Variants in DCUN1D2 observed in about 807,000 individuals in gnomAD.
DCUN1D2 encodes DCN1-like protein 2.
DCUN1D2 carries 29 observed loss-of-function variants against 30.9 expected under a neutral mutation model. The ratio of observed to expected loss-of-function variants is 0.94; its 90% CI spans 0.70 to 1.28. DCUN1D2 has a LOEUF of 1.28. DCUN1D2 is among the 50% of genes most tolerant of loss of function. The pLI, the probability that DCUN1D2 is intolerant of heterozygous loss-of-function variation, is 0.00. For synonymous variants in DCUN1D2, 121 were observed against 115.3 expected (o/e 1.05, Z -0.32); for missense variants, 325 against 316.9 (o/e 1.03, Z -0.19).
intron 4 of DCUN1D2, among the ~76,000 whole-genome samples, chr13:113,470,186 G>A (rs908150465): frequency 3.9e-5 from 6 of 152,196 alleles, no homozygotes; most frequent in Non-Finnish European, 7.3e-5. Flanking sequence ...CCTCACCACC[G>A]TGTTACGGTT....
At chr13:113,470,528 A>G (rs1441384578) in intron 4 of DCUN1D2, among the ~76,000 whole-genome samples, 3 of 152,168 alleles carry the variant, frequency 2.0e-5, no homozygotes, top group African/African-American at 7.2e-5. Flanking sequence ...AAGACTCTAC[A>G]GAGGACCCAA....
At chr13:113,464,784 A>G (rs555418385) in intron 4 of DCUN1D2, among the ~76,000 whole-genome samples, 1 of 152,250 alleles carries the variant, frequency 6.6e-6, no homozygotes, top group African/African-American at 2.4e-5. Flanking sequence ...CCAATGGATC[A>G]TGAGCTACCA....
chr13:113,490,656 G>T lies in DCUN1D2; in HGVS notation c.3+11C>A. ...GACCCCGACGGGCAGAGGCGACGCC[G>T]GGCCACCTACCATCTCCCCCGCGCC... On this transcript the variant is annotated intron_variant, in intron 1 of 6. Transcript: ENST00000478244. This position sits in a 1 kb window ranked among gnomAD's most constrained non-coding sequence, Gnocchi z 5.2. 8.0e-7 allele frequency: 1 copy of T among 1,246,866 alleles called. No homozygotes were observed. Among genetic ancestry groups the T allele is most frequent in the Non-Finnish European group, 1.0e-6 (1 of 995,218 alleles). The allele number at this position is 1,246,866 out of a possible 1,614,324, so 77.2% of individuals were successfully genotyped here. A position where few individuals can be genotyped will look rare whatever the true frequency, so the allele number is the denominator to read the frequency against.
intron 4 of DCUN1D2, among the ~76,000 whole-genome samples, chr13:113,461,564 G>C (rs2044318624): frequency 6.6e-6 from 1 of 152,212 alleles, no homozygotes. Context: ...TCTCCAAATA[G>C]ACCTGCCTTG....
chr13:113,477,702 GT>G (rs768564510), intron 3 of DCUN1D2, among the ~76,000 whole-genome samples: 4,245 of 136,944 alleles, frequency 0.031, 72 homozygotes, highest in South Asian at 0.11. Context: ...TTTTCTATGA[GT>G]TTTTTTTTTT....
In DCUN1D2 at chr13:113,457,977, T is replaced by G; in HGVS notation, c.*52A>C. On this transcript the variant is annotated 3_prime_UTR_variant, in exon 7 of 7. Transcript: ENST00000478244. ...ATGCACCCAGGAACTGACTGCAATC[T>G]CCTTGCAGGATACAAATCATTTCAT... The G allele has an allele frequency of 2.0e-6, 3 of 1,526,436 alleles. No homozygotes were observed. Among genetic ancestry groups the G allele is most frequent in the Non-Finnish European group, 2.7e-6 (3 of 1,100,442 alleles). The allele number at this position is 1,526,436 out of a possible 1,614,324, so 94.6% of individuals were successfully genotyped here.
Position 113,490,626 on chromosome 13 carries a change from A to G in DCUN1D2, c.3+41T>C. On this transcript the variant is annotated intron_variant, in intron 1 of 6. Transcript: ENST00000478244. This position sits in a 1 kb window ranked among gnomAD's most constrained non-coding sequence, Gnocchi z 5.2. ...GCGCCGACCTTGGGGCCCGACCCCG[A>G]CCCCGACCCCGACGGGCAGAGGCGA... 8.2e-7 allele frequency: 1 copy of G among 1,220,216 alleles called. No individual in the cohort carries two copies. Among genetic ancestry groups the G allele is most frequent in the Non-Finnish European group, 1.0e-6 (1 of 979,932 alleles). The allele number at this position is 1,220,216 out of a possible 1,614,324, so 75.6% of individuals were successfully genotyped here.
At chr13:113,471,590 A>G (rs2044516837) in intron 4 of DCUN1D2, among the ~76,000 whole-genome samples, 1 of 152,240 alleles carries the variant, frequency 6.6e-6, no homozygotes, top group Non-Finnish European at 1.5e-5. Context: ...CAACACCCAG[A>G]CACATTTTAG....
chr13:113,482,715 C>A (rs575993621), intron 2 of DCUN1D2, among the ~76,000 whole-genome samples: 1 of 152,110 alleles, frequency 6.6e-6, no homozygotes, highest in East Asian at 1.9e-4. Flanking sequence ...GAGGCCGAGG[C>A]GGGTGGATCA....
At position 113,465,667 on chromosome 13, in the gene DCUN1D2, T is replaced by C. The variant is rs575288915; in HGVS notation, c.521-4531A>G. On this transcript the variant is annotated intron_variant, in intron 4 of 6. Transcript: ENST00000478244. The stretch of plus-strand genomic sequence containing the variant: ...CCACATCATTATTCTCTTGTCTATT[T>C]GCTTTTTTTTTTTTTTTTTAATACG... 1.7e-3 allele frequency among the ~76,000 whole-genome samples: 242 copies of C among 144,880 alleles called. 2 individuals are homozygous for C. The highest frequency in any genetic ancestry group is 6.2e-3 in the African/African-American group (232 of 37,256).
At chr13:113,467,276 G>A (rs1426737075) in intron 4 of DCUN1D2, among the ~76,000 whole-genome samples, 4 of 152,146 alleles carry the variant, frequency 2.6e-5, no homozygotes, top group Non-Finnish European at 5.9e-5. Flanking sequence ...TCTAGAGGAC[G>A]TGACAGCCTC....
intron 4 of DCUN1D2, among the ~76,000 whole-genome samples, chr13:113,465,935 G>A (rs1023307027): frequency 1.3e-5 from 2 of 152,106 alleles, no homozygotes; most frequent in Non-Finnish European, 2.9e-5. Context: ...ACCCAGGTTG[G>A]AGGGCAGTGA....
intron 1 of DCUN1D2, among the ~76,000 whole-genome samples, chr13:113,484,508 AATCACAGAATCAC>A: frequency 6.6e-6 from 1 of 152,298 alleles, no homozygotes; most frequent in South Asian, 2.1e-4. Flanking sequence ...TCCCACTTTA[AATCACAGAATCAC>A]ATTGATGAAA....
rs142690891 is a variant in DCUN1D2, at chr13:113,458,625, C to G, written c.701-517G>C. ...TTCAGTGATCCCTTCTTTCATTTGA[C>G]AAGCATTTACTGGGTGCCCCTGATC... is the stretch of plus-strand genomic sequence containing the variant. On this transcript the variant is annotated intron_variant, in intron 6 of 6. Coordinates refer to ENST00000478244, the MANE Select transcript of DCUN1D2 (RefSeq NM_001014283.2). 4.2e-3 allele frequency among the ~76,000 whole-genome samples: 642 copies of G among 152,354 alleles called. 2 individuals carry two copies. The highest frequency in any genetic ancestry group is 0.015 in the African/African-American group (615 of 41,580).
rs568424059 is a variant in DCUN1D2, at chr13:113,479,704, C to T, written c.389+871G>A. On this transcript the variant is annotated intron_variant, in intron 3 of 6. Transcript: ENST00000478244. ...TGCCACTGCACTCCATCCTGGGTGA[C>T]AGAGTAAGACTCCATCTCAAAAAAC... is the stretch of plus-strand genomic sequence containing the variant. Among the ~76,000 whole-genome samples, 70 of 152,298 alleles carry T rather than the reference C, an allele frequency of 4.6e-4. 1 individual carries two copies. Among genetic ancestry groups the T allele is most frequent in the African/African-American group, 1.5e-3 (64 of 41,566 alleles).
intron 4 of DCUN1D2, among the ~76,000 whole-genome samples, chr13:113,462,458 A>T (rs1222696276): frequency 6.6e-6 from 1 of 152,178 alleles, no homozygotes; most frequent in Non-Finnish European, 1.5e-5. Context: ...AACACTTCTC[A>T]AAAGGTTTTT....
At chr13:113,463,488 T>C (rs974702274) in intron 4 of DCUN1D2, among the ~76,000 whole-genome samples, 9 of 151,886 alleles carry the variant, frequency 5.9e-5, no homozygotes. Flanking sequence ...AGTCAAGAGT[T>C]TGAGACCAGC....
chr13:113,490,806 C>T (rs1171342305), upstream of DCUN1D2: 9 of 812,830 alleles, frequency 1.1e-5, no homozygotes, highest in Non-Finnish European at 1.4e-5. The surrounding 1 kb of genome is among the most constrained non-coding windows in gnomAD (Gnocchi z 5.2). Context: ...CTCCCACTCC[C>T]GGCATGCTCA....
chr13:113,462,899 G>A, intron 4 of DCUN1D2: 2 of 1,241,552 alleles, frequency 1.6e-6, no homozygotes, highest in Admixed American at 2.8e-5. Flanking sequence ...AACCTGGGGA[G>A]GAAAAAAAAA....
Sources: allele counts gnomAD v4.1 joint callset (sites outside exome capture counted in the v4.1 genomes callset), GRCh38; gene constraint gnomAD v4.1.1; non-coding constraint Gnocchi (gnomAD v3.1); transcripts MANE v1.5; gene names NCBI Gene and HGNC (gene_info 2026-07-23, HGNC 2026-07-21).